The following HERC2 variants were observed in gnomAD, a reference collection of about 807,000 sequenced individuals.
HERC2 encodes E3 ubiquitin-protein ligase HERC2.
A neutral mutation model predicts 537.7 loss-of-function variants in HERC2; 102 were observed. The ratio of observed to expected loss-of-function variants is 0.19; its 90% CI spans 0.16 to 0.22. The LOEUF (loss-of-function observed/expected upper bound fraction) is 0.22, where lower values mean the gene tolerates loss of function less well. Among genes scored for constraint, HERC2 ranks in the 10% least tolerant of loss-of-function variants. The pLI is 1.00. For synonymous variants in HERC2, 2,224 were observed against 2,466.2 expected, an observed-to-expected ratio of 0.90 and a Z score of 2.91; for missense variants, 4,236 against 6,198.2, an observed-to-expected ratio of 0.68 and a Z score of 10.63.
At chr15:28,273,230 T>G (rs1231119009) in intron 7 of HERC2, 1 of 586,080 alleles carries the variant, frequency 1.7e-6, no homozygotes, top group Non-Finnish European at 3.0e-6. Flanking sequence ...AGATACTATA[T>G]TACAGTAGAT....
intron 21 of HERC2, among the ~76,000 whole-genome samples, 161 bp downstream of exon 21, chr15:28,248,391 A>G (rs898526658): frequency 6.6e-6 from 1 of 152,244 alleles, no homozygotes; most frequent in Non-Finnish European, 1.5e-5. Context: ...TATTATAGAA[A>G]GGTCCAACTC....
Position 28,116,756 on chromosome 15 carries a change from G to A in HERC2, c.13518C>T (p.Asn4506=), listed in dbSNP as rs368409663. 8.4e-5 allele frequency: 135 copies of A among 1,613,880 alleles called. No homozygotes were observed. The highest frequency in any genetic ancestry group is 9.8e-5 in the Non-Finnish European group (116 of 1,180,022). ...GGTTGGCCCCAGACTCATCCCTCCCGTTGGGTGTCACGATCAGCAGGGGCG... is the reference window on the plus strand; with the variant it reads ...GGTTGGCCCCAGACTCATCCCTCCCATTGGGTGTCACGATCAGCAGGGGCG... ...GLTPLLIVTP[N]GRDESGANRD... The change falls in exon 88 of 93, where the codon AAC becomes AAT. Residue 4506 remains asparagine, a synonymous_variant. Transcript: ENST00000261609.
Position 28,304,858 on chromosome 15 carries a change from C to T in HERC2, c.73-5342G>A, listed in dbSNP as rs1194750513. Among the ~76,000 whole-genome samples, 351 of 117,634 alleles carry T rather than the reference C, an allele frequency of 3.0e-3. 2 individuals carry two copies. Among genetic ancestry groups the T allele is most frequent in the African/African-American group, 0.011 (332 of 30,152 alleles). The allele number at this position is 117,634 out of a possible 152,430, so 77.2% of individuals were successfully genotyped here. ...TATATCTCCCAATGCTACCCCTCCC[C>T]CCTCCCCCCACCCCACCCCACCACA... On this transcript the variant is annotated intron_variant, in intron 2 of 92. Transcript: ENST00000261609.
intron 26 of HERC2, among the ~76,000 whole-genome samples, chr15:28,235,797 T>G (rs1024683031): frequency 6.6e-6 from 1 of 152,188 alleles, no homozygotes; most frequent in Non-Finnish European, 1.5e-5. Context: ...TACCCATCAC[T>G]GCATCCTGAA....
intron 24 of HERC2, 104 bp downstream of exon 24, chr15:28,238,498 T>C (rs1290770946): frequency 7.8e-6 from 7 of 894,764 alleles, no homozygotes; most frequent in African/African-American, 1.7e-5. Context: ...TTAAAATATG[T>C]GGGGGCTGGC....
chr15:28,232,604 C>G (rs1240177428), intron 30 of HERC2, among the ~76,000 whole-genome samples: 1 of 151,276 alleles, frequency 6.6e-6, no homozygotes, highest in East Asian at 1.9e-4. Flanking sequence ...TTTATAATCA[C>G]AAGTGACTAA....
chr15:28,229,348 T>C lies in HERC2; in HGVS notation c.5121-2A>G, dbSNP rs1901584348. The C allele has an allele frequency of 6.2e-7, 1 of 1,612,846 alleles. No individual in the cohort carries two copies. On this transcript the variant is annotated splice_acceptor_variant, in intron 33 of 92. Coordinates refer to ENST00000261609, the MANE Select transcript of HERC2 (RefSeq NM_004667.6). LOFTEE classifies it high-confidence loss of function. Reference sequence around the variant, plus strand: ...TTTAAACAATCAGTAAGAGGTTCCCTTTCAAATAAAGATAAAGAATTTGAC... The same window carrying C: ...TTTAAACAATCAGTAAGAGGTTCCCCTTCAAATAAAGATAAAGAATTTGAC...
chr15:28,297,656 G>A (rs571989721), intron 3 of HERC2, among the ~76,000 whole-genome samples: 19 of 152,134 alleles, frequency 1.2e-4, no homozygotes, highest in Admixed American at 1.3e-4. Context: ...TAGAACAGGC[G>A]CAATTTGTCA....
At chr15:28,193,562 T>C (rs1378574982) in intron 52 of HERC2, among the ~76,000 whole-genome samples, 2 of 152,072 alleles carry the variant, frequency 1.3e-5, no homozygotes, top group African/African-American at 4.8e-5. Flanking sequence ...TGTGAAGAAA[T>C]ACTGAAAGAC....
At chr15:28,188,318 G>C (rs1326175715) in intron 55 of HERC2, among the ~76,000 whole-genome samples, 1 of 151,984 alleles carries the variant, frequency 6.6e-6, no homozygotes, top group Non-Finnish European at 1.5e-5. Flanking sequence ...CGAGGCAGGT[G>C]GATCACGAAG....
At chr15:28,146,449 G>A (rs1891745669) in intron 70 of HERC2, 105 bp from the exon 71 acceptor site, 1 of 754,818 alleles carries the variant, frequency 1.3e-6, no homozygotes, top group Non-Finnish European at 2.3e-6. Flanking sequence ...ATAGCAGAAA[G>A]TCAGAAAGAA....
chr15:28,176,432 T>C lies in HERC2; in HGVS notation c.9682A>G (p.Thr3228Ala), dbSNP rs1460228676. 6 of 1,613,964 alleles carry C rather than the reference T, an allele frequency of 3.7e-6. No individual in the cohort carries two copies. The highest frequency in any genetic ancestry group is 4.2e-6 in the Non-Finnish European group (5 of 1,179,904). The change falls in exon 63 of 93, where the codon ACA becomes GCA. Residue 3228 changes from threonine to alanine, a missense_variant. Coordinates refer to ENST00000261609, the MANE Select transcript of HERC2 (RefSeq NM_004667.6). This position sits in a 1 kb window ranked among gnomAD's most constrained non-coding sequence, Gnocchi z 5.0. ...ACAGGGAGGACGTTTACGTACCATGTCCACACCACTCCAGACTTGGTGAGC... is the reference window on the plus strand; with the variant it reads ...ACAGGGAGGACGTTTACGTACCATGCCCACACCACTCCAGACTTGGTGAGC... ...LALTKSGVVW[T>A]WGKGDYFRLG...
chr15:28,321,798 G>A (rs1194418034), intron 1 of HERC2, among the ~76,000 whole-genome samples: 12 of 141,198 alleles, frequency 8.5e-5, no homozygotes, highest in African/African-American at 3.6e-4. Context: ...GGAGCCCATC[G>A]TTTTAACGAC....
chr15:28,310,978 G>A (rs2076926368), intron 2 of HERC2, among the ~76,000 whole-genome samples: 2 of 148,290 alleles, frequency 1.3e-5, no homozygotes, highest in African/African-American at 4.9e-5. Context: ...TCGGGAGGCT[G>A]AGGCAAGGGA....
rs1216283323 is a variant in HERC2 at position 28,257,341 on chromosome 15, G to A, written c.2317-80C>T. The stretch of plus-strand genomic sequence containing the variant: ...CTCCACAGGAGTCACCAGCGTGTGT[G>A]ATGGAGCTGCCTTATACTATTACCT... On this transcript the variant is annotated intron_variant, in intron 16 of 92. Coordinates refer to ENST00000261609, the MANE Select transcript of HERC2 (RefSeq NM_004667.6). 4.2e-6 allele frequency: 5 copies of A among 1,197,306 alleles called. No homozygotes were observed. The African/African-American group carries it at 4.5e-5, about 11-fold the overall frequency. 74.2% of individuals were successfully genotyped at this position (1,197,306 alleles called of 1,614,324 possible).
At chr15:28,149,499 C>T (rs191979915) in intron 70 of HERC2, among the ~76,000 whole-genome samples, 1 of 80,520 alleles carries the variant, frequency 1.2e-5, no homozygotes, top group African/African-American at 4.9e-5. Flanking sequence ...ATTCCAGTAA[C>T]ATTACCAAAA....
chr15:28,281,966 C>T (rs559180172), intron 4 of HERC2, among the ~76,000 whole-genome samples: 6 of 152,322 alleles, frequency 3.9e-5, no homozygotes, highest in African/African-American at 7.2e-5. Context: ...TGAGCACCCA[C>T]GTGCCCTTCT....
chr15:28,316,697 T>G (rs149220102), intron 2 of HERC2, among the ~76,000 whole-genome samples: 283 of 152,310 alleles, frequency 1.9e-3, no homozygotes, highest in African/African-American at 6.6e-3. Flanking sequence ...CTACATGTCA[T>G]CTATCAACTG....
intron 2 of HERC2, among the ~76,000 whole-genome samples, chr15:28,305,472 CATA>C (rs2076759977): frequency 1.6e-5 from 2 of 126,690 alleles, no homozygotes; most frequent in Admixed American, 1.7e-4. Context: ...ACTGGCTAGC[CATA>C]TGTAGAAAGC....
Sources: gnomAD v4.1 joint callset for allele counts (sites outside exome capture counted in the v4.1 genomes callset) on GRCh38, gnomAD v4.1.1 for gene constraint, Gnocchi (gnomAD v3.1) non-coding constraint, MANE v1.5 for transcripts, NCBI Gene and HGNC (gene_info 2026-07-23, HGNC 2026-07-21) for gene names.